Variants in TBCD observed in about 807,000 individuals in gnomAD.
The protein encoded by TBCD is tubulin-specific chaperone D.
Under a neutral mutation model 169.3 loss-of-function variants are expected in TBCD, and 105 were observed. That is an observed-to-expected ratio of 0.62 (90% CI 0.53 to 0.73). TBCD has a LOEUF of 0.73. Ranked by LOEUF, TBCD falls within the 30% of genes least tolerant of loss-of-function variation. TBCD has a pLI of 0.00. For missense variants in TBCD, 1,444 were observed against 1,600.1 expected (o/e 0.90, Z 1.66); for synonymous variants, 700 against 643.9 (o/e 1.09, Z -1.32).
chr17:82,764,169 C>A, intron 3 of TBCD, 107 bp downstream of exon 3: 1 of 894,366 alleles, frequency 1.1e-6, no homozygotes, highest in African/African-American at 1.7e-5. Flanking sequence ...TTCTTAGACA[C>A]AAGTTGTGGG....
In TBCD at chr17:82,930,506, T is replaced by C. The variant is rs550923982; in HGVS notation, c.2992-16T>C. 8.7e-6 allele frequency: 14 copies of C among 1,610,606 alleles called. No individual in the cohort carries two copies. In the South Asian group the frequency reaches 1.2e-4, roughly 14 times the overall value. On this transcript the variant is annotated splice_polypyrimidine_tract_variant and intron_variant, in intron 32 of 38. Transcript: ENST00000355528. This position sits in a 1 kb window ranked among gnomAD's most constrained non-coding sequence, Gnocchi z 5.2. ...TCGGGGGTCCCACTGCCTTCTGAGG[T>C]GTCTCCGTGTTGCAGATCCGGCACT... is the stretch of plus-strand genomic sequence containing the variant.
Position 82,782,333 on chromosome 17 carries a change from C to T in TBCD, c.771+612C>T, listed in dbSNP as rs566067739. Among the ~76,000 whole-genome samples the T allele has an allele frequency of 6.6e-6, 1 of 152,328 alleles. No individual in the cohort carries two copies. Among genetic ancestry groups the T allele is most frequent in the South Asian group, 2.1e-4 (1 of 4,828 alleles). On this transcript the variant is annotated intron_variant, in intron 7 of 38. Transcript: ENST00000355528. The surrounding 1 kb of genome is among the most constrained non-coding windows in gnomAD (Gnocchi z 5.1). ...TCAGCGTCCTGGAGGCTGCAGCTCC[C>T]TGGTCAGCCTTCTGGAGGGGGAGCC...
At chr17:82,938,676 A>C (rs1242903720) in intron 36 of TBCD, among the ~76,000 whole-genome samples, 1 of 152,236 alleles carries the variant, frequency 6.6e-6, no homozygotes, top group East Asian at 1.9e-4. Context: ...CAGCACCTCC[A>C]GGGTGGGCCC....
intron 27 of TBCD, 144 bp from the exon 28 acceptor site, chr17:82,926,256 A>T: frequency 1.4e-6 from 1 of 718,694 alleles, no homozygotes; most frequent in African/African-American, 1.8e-5. Context: ...ACCAGGGGCC[A>T]TGGATGGCCG....
chr17:82,783,993 C>T (rs986629607), intron 7 of TBCD, among the ~76,000 whole-genome samples: 1 of 151,940 alleles, frequency 6.6e-6, no homozygotes, highest in Admixed American at 6.6e-5. Flanking sequence ...GGCATAGTGG[C>T]GTGGGCCTGT....
chr17:82,807,803 T>G, intron 11 of TBCD, 135 bp downstream of exon 11: 1 of 570,632 alleles, frequency 1.8e-6, no homozygotes, highest in Non-Finnish European at 2.7e-6. Flanking sequence ...TTATGTGTGT[T>G]GCTTTACGTG....
intron 16 of TBCD, among the ~76,000 whole-genome samples, chr17:82,892,234 C>G (rs2059192787): frequency 6.6e-6 from 1 of 152,110 alleles, no homozygotes; most frequent in South Asian, 2.1e-4. Flanking sequence ...CTGGGCCACC[C>G]CGGATGTTTC....
At chr17:82,917,122 C>T (rs1360661634) in intron 23 of TBCD, among the ~76,000 whole-genome samples, 3 of 141,088 alleles carry the variant, frequency 2.1e-5, no homozygotes, top group Non-Finnish European at 3.0e-5. Flanking sequence ...CGGGATTAAG[C>T]GATTTTCCTG....
rs1361644174 is a variant in TBCD, at chr17:82,889,977, C to T, written c.1563+280C>T. 6.6e-6 allele frequency among the ~76,000 whole-genome samples: 1 copy of T among 152,184 alleles called. No homozygotes were observed. The highest frequency in any genetic ancestry group is 2.4e-5 in the African/African-American group (1 of 41,450). On this transcript the variant is annotated intron_variant, in intron 16 of 38. Coordinates refer to ENST00000355528, the MANE Select transcript of TBCD (RefSeq NM_005993.5). The surrounding 1 kb of genome is among the most constrained non-coding windows in gnomAD (Gnocchi z 5.3). ...GTGGCTCTGCAGGGTGGGGCGGGTC[C>T]CTGGGACCAGCCTGGCCTTGCGGGG...
intron 14 of TBCD, among the ~76,000 whole-genome samples, chr17:82,883,389 G>T (rs1440840535): frequency 1.3e-5 from 2 of 152,266 alleles, no homozygotes; most frequent in Non-Finnish European, 2.9e-5. Flanking sequence ...TGTGTTCTGT[G>T]CAACGCCTGA....
At chr17:82,857,993 G>A (rs2056460167) in intron 13 of TBCD, among the ~76,000 whole-genome samples, 1 of 151,942 alleles carries the variant, frequency 6.6e-6, no homozygotes. Context: ...GCTCACCGCA[G>A]CCTTGACCTC....
rs1021022853 is a variant in TBCD, at chr17:82,866,772, G to C, written c.1319-3452G>C. Among the ~76,000 whole-genome samples the C allele has an allele frequency of 1.3e-4, 20 of 152,248 alleles. 1 individual carries two copies. The highest frequency in any genetic ancestry group is 4.3e-4 in the African/African-American group (18 of 41,472). ...CTCAGCCCTGCGGGAGCACAGGGAG[G>C]ACAGCTGGAAGCCCAGCCCCTCTGT... On this transcript the variant is annotated intron_variant, in intron 13 of 38. Transcript: ENST00000355528.
chr17:82,752,121 C>G lies in TBCD; in HGVS notation c.-73C>G, dbSNP rs1254763158. On this transcript the variant is annotated 5_prime_UTR_variant, in exon 1 of 39. Transcript: ENST00000355528. ...TCCTTTTCATCCCTCATCCTTCATC[C>G]CTGGCTTTCGCGCTCTAGCGGAGTG... 9.3e-6 allele frequency: 13 copies of G among 1,403,934 alleles called. No individual in the cohort carries two copies. The highest frequency in any genetic ancestry group is 1.0e-5 in the Non-Finnish European group (11 of 1,078,910). 87.0% of individuals were successfully genotyped at this position (1,403,934 alleles called of 1,614,324 possible). A position where few individuals can be genotyped will look rare whatever the true frequency, so the allele number is the denominator to read the frequency against.
chr17:82,752,270 C>G lies in TBCD; in HGVS notation c.77C>G (p.Ala26Gly). The change falls in exon 1 of 39, where the codon GCG becomes GGG. Residue 26 changes from alanine to glycine, a missense_variant. Ala to Gly is a moderately conservative substitution (Grantham distance 60). Transcript: ENST00000355528. ...AEDETLAFGA[A>G]LEAFGESAET... ...GACGAGACACTGGCCTTTGGCGCGG[C>G]GCTGGAAGCGTTCGGCGAGAGCGCG... 1 of 1,518,834 alleles carries G rather than the reference C, an allele frequency of 6.6e-7. No homozygotes were observed. Among genetic ancestry groups the G allele is most frequent in the Non-Finnish European group, 8.8e-7 (1 of 1,138,494 alleles). The allele number at this position is 1,518,834 out of a possible 1,614,324, so 94.1% of individuals were successfully genotyped here. A position where few individuals can be genotyped will look rare whatever the true frequency, so the allele number is the denominator to read the frequency against.
rs1272412604 is a variant in TBCD, at chr17:82,922,452, T to A, written c.2178+875T>A. Among the ~76,000 whole-genome samples, 1 of 152,240 alleles carries A rather than the reference T, an allele frequency of 6.6e-6. No homozygotes were observed. Among genetic ancestry groups the A allele is most frequent in the Non-Finnish European group, 1.5e-5 (1 of 68,044 alleles). On this transcript the variant is annotated intron_variant, in intron 25 of 38. Transcript: ENST00000355528. The surrounding 1 kb of genome is among the most constrained non-coding windows in gnomAD (Gnocchi z 4.1). ...TGAGGATGAAGAATGGAAGTACATT[T>A]AGGTGTCTTGTAATTCTCTGACTTC...
intron 13 of TBCD, among the ~76,000 whole-genome samples, chr17:82,836,580 G>A (rs548060331): frequency 3.0e-4 from 45 of 151,682 alleles, no homozygotes; most frequent in South Asian, 1.0e-3. Context: ...TACCTCTAGC[G>A]CCTGAAACAC....
chr17:82,930,594 T>C lies in TBCD; in HGVS notation c.3064T>C (p.Phe1022Leu), dbSNP rs780918623. 1 of 1,613,938 alleles carries C rather than the reference T, an allele frequency of 6.2e-7. No individual in the cohort carries two copies. The highest frequency in any genetic ancestry group is 8.5e-7 in the Non-Finnish European group (1 of 1,179,872). Residue 1022 changes from phenylalanine to leucine, a missense_variant, in exon 33 of 39, where the codon TTC (phenylalanine) becomes CTC (leucine). By Grantham distance (22) the Phe-to-Leu change is conservative. Transcript: ENST00000355528. The surrounding 1 kb of genome is among the most constrained non-coding windows in gnomAD (Gnocchi z 5.2). ...IQSDPQALGS[F>L]SGTLLQIFED... Reference sequence around the variant, plus strand: ...GAGCGACCCGCAGGCCCTGGGCAGCTTCAGCGGGACCCTTCTGCAGATCTT... The same window carrying C: ...GAGCGACCCGCAGGCCCTGGGCAGCCTCAGCGGGACCCTTCTGCAGATCTT...
intron 13 of TBCD, among the ~76,000 whole-genome samples, chr17:82,834,791 C>T (rs1462910332): frequency 5.9e-5 from 9 of 152,046 alleles, no homozygotes; most frequent in East Asian, 1.9e-4. Flanking sequence ...CCTAGATGAT[C>T]GGTTGATGGG....
At chr17:82,760,617 T>TA (rs1201301301) in intron 2 of TBCD, among the ~76,000 whole-genome samples, 5 of 152,268 alleles carry the variant, frequency 3.3e-5, no homozygotes, top group Non-Finnish European at 7.3e-5. Flanking sequence ...TGTGTAAACA[T>TA]ACATTTCTTA....
Sources: gnomAD v4.1 joint callset for allele counts (sites outside exome capture counted in the v4.1 genomes callset) on GRCh38, gnomAD v4.1.1 for gene constraint, Gnocchi (gnomAD v3.1) non-coding constraint, MANE v1.5 for transcripts, NCBI Gene and HGNC (gene_info 2026-07-23, HGNC 2026-07-21) for gene names.